CDKN2B-AS1: variants seen among roughly 807,000 people sequenced by gnomAD.
The protein encoded by CDKN2B-AS1 is CDKN2B antisense RNA 1 (non-protein coding).
chr9:22,106,974 T>C, intron 4 of CDKN2B-AS1, among the ~76,000 whole-genome samples: 1 of 152,160 alleles, frequency 6.6e-6, no homozygotes, highest in Admixed American at 6.5e-5. Flanking sequence ...CCAAGGTAAT[T>C]GTCCTATCAG....
At chr9:22,017,500 A>G (rs2131215109) in intron 1 of CDKN2B-AS1, among the ~76,000 whole-genome samples, 1 of 152,290 alleles carries the variant, frequency 6.6e-6, no homozygotes, top group South Asian at 2.1e-4. Flanking sequence ...ACTCTGGCAT[A>G]TAATTATTTA....
intron 4 of CDKN2B-AS1, among the ~76,000 whole-genome samples, chr9:22,085,285 A>C (rs369470851): frequency 1.1e-4 from 17 of 152,292 alleles, no homozygotes; most frequent in African/African-American, 4.1e-4. Context: ...TAACTGGGAA[A>C]AAGCAAGCTT....
chr9:22,022,649 A>T (rs1587415181), intron 1 of CDKN2B-AS1, among the ~76,000 whole-genome samples: 1 of 151,978 alleles, frequency 6.6e-6, no homozygotes, highest in African/African-American at 2.4e-5. Flanking sequence ...TTTACATTTA[A>T]GGTTATGATC....
rs563550320 is a variant in CDKN2B-AS1 at position 22,078,508 on chromosome 9, A to G, written n.438+22121A>G. Among the ~76,000 whole-genome samples the G allele has an allele frequency of 5.3e-5, 8 of 152,318 alleles. No individual in the cohort carries two copies. The East Asian group carries it at 1.2e-3, about 22-fold the overall frequency. ...CTTCCAACATTTTAAGCAGTGTTGC[A>G]TTCAATTTGAACAAGAGGAATAAAA... is the stretch of plus-strand genomic sequence containing the variant. On this transcript the variant is annotated intron_variant and non_coding_transcript_variant, in intron 4 of 4. Transcript: ENST00000650946.
At chr9:22,048,391 GCTC>G in intron 2 of CDKN2B-AS1, among the ~76,000 whole-genome samples, 1 of 152,028 alleles carries the variant, frequency 6.6e-6, no homozygotes, top group Non-Finnish European at 1.5e-5. Flanking sequence ...AAAACTTTTT[GCTC>G]TTCTCTTTCA....
intron 4 of CDKN2B-AS1, among the ~76,000 whole-genome samples, chr9:22,087,855 G>A (rs1824916902): frequency 1.3e-5 from 2 of 152,140 alleles, no homozygotes. Context: ...ATAGAAGATT[G>A]TCATAAAAAG....
At chr9:22,032,060 C>T (rs1415274837) in intron 1 of CDKN2B-AS1, among the ~76,000 whole-genome samples, 3 of 152,210 alleles carry the variant, frequency 2.0e-5, no homozygotes, top group Admixed American at 6.5e-5. Flanking sequence ...AGGCCCCCAG[C>T]CTTGGTAGAC....
intron 4 of CDKN2B-AS1, among the ~76,000 whole-genome samples, chr9:22,078,889 T>C (rs760682614): frequency 6.6e-6 from 1 of 152,204 alleles, no homozygotes; most frequent in Non-Finnish European, 1.5e-5. Context: ...TGATCTTCTT[T>C]TGGGTTTCCC....
chr9:22,091,483 T>A (rs1825082709), intron 4 of CDKN2B-AS1, among the ~76,000 whole-genome samples: 1 of 152,230 alleles, frequency 6.6e-6, no homozygotes, highest in Non-Finnish European at 1.5e-5. Flanking sequence ...TCCATTTGTT[T>A]GTATCCTCTT....
At chr9:22,051,390 A>T (rs983147895) in intron 3 of CDKN2B-AS1, among the ~76,000 whole-genome samples, 20 of 152,248 alleles carry the variant, frequency 1.3e-4, no homozygotes, top group Non-Finnish European at 2.5e-4. Flanking sequence ...TAATACCTTT[A>T]TTCCCAAAGA....
intron 3 of CDKN2B-AS1, among the ~76,000 whole-genome samples, chr9:22,054,730 T>A (rs990319700): frequency 2.0e-5 from 3 of 150,746 alleles, no homozygotes; most frequent in Admixed American, 1.3e-4. Flanking sequence ...TATTTTATTT[T>A]TTTATTTTAT....
At chr9:22,046,376 A>C (rs572198540) in intron 1 of CDKN2B-AS1, 1 of 152,160 alleles carries the variant, frequency 6.6e-6, no homozygotes, top group Non-Finnish European at 1.5e-5. Context: ...GACCACATCA[A>C]TGATGAAGCC....
chr9:22,067,535 C>G (rs1387637142), intron 4 of CDKN2B-AS1, among the ~76,000 whole-genome samples: 1 of 151,878 alleles, frequency 6.6e-6, no homozygotes, highest in East Asian at 1.9e-4. Flanking sequence ...AACACACACA[C>G]ACACGCACGC....
chr9:22,088,388 A>G (rs1029101822), intron 4 of CDKN2B-AS1, among the ~76,000 whole-genome samples: 8 of 152,130 alleles, frequency 5.3e-5, no homozygotes, highest in African/African-American at 1.4e-4. Context: ...CTGGAAAACC[A>G]TGGTTCTTCT....
chr9:22,086,219 G>A (rs903275204), intron 4 of CDKN2B-AS1, among the ~76,000 whole-genome samples: 1 of 152,154 alleles, frequency 6.6e-6, no homozygotes, highest in African/African-American at 2.4e-5. Flanking sequence ...CTTGATCAGT[G>A]TTTGTTTAAT....
chr9:22,052,811 G>A (rs10757267), intron 3 of CDKN2B-AS1, among the ~76,000 whole-genome samples: 1 of 152,006 alleles, frequency 6.6e-6, no homozygotes, highest in Non-Finnish European at 1.5e-5. Context: ...CTAATCTTTT[G>A]GGGGGTTCCC....
intron 4 of CDKN2B-AS1, among the ~76,000 whole-genome samples, chr9:22,089,611 T>G (rs1824995498): frequency 6.7e-6 from 1 of 149,782 alleles, no homozygotes; most frequent in Non-Finnish European, 1.5e-5. Context: ...CTCTCTTTTC[T>G]TTTTTTTTCC....
At chr9:22,058,370 A>G (rs1823663394) in intron 4 of CDKN2B-AS1, 1 of 152,198 alleles carries the variant, frequency 6.6e-6, no homozygotes, top group South Asian at 2.1e-4. Context: ...CTCTCCAATG[A>G]ACGCCTTCAC....
chr9:22,021,558 C>A (rs1438911759), intron 1 of CDKN2B-AS1, among the ~76,000 whole-genome samples: 1 of 152,184 alleles, frequency 6.6e-6, no homozygotes, highest in Non-Finnish European at 1.5e-5. Flanking sequence ...TATACATGAG[C>A]ATAGAATGCT....
Sources: allele counts gnomAD v4.1 joint callset (sites outside exome capture counted in the v4.1 genomes callset), GRCh38; gene constraint gnomAD v4.1.1; transcripts MANE v1.5; gene names NCBI Gene and HGNC (gene_info 2026-07-23, HGNC 2026-07-21).